Variants in CDH13 observed in about 807,000 individuals in gnomAD.
The protein encoded by CDH13 is cadherin-13.
Under a neutral mutation model 63.8 loss-of-function variants are expected in CDH13, and 24 were observed. The observed-to-expected ratio is 0.38, with a 90% CI of 0.27 to 0.53. CDH13 has a LOEUF of 0.53. Among genes scored for constraint, CDH13 ranks in the 20% least tolerant of loss-of-function variants. The pLI is 0.85. For synonymous variants in CDH13, 503 were observed against 355.3 expected (o/e 1.42, Z -4.67); for missense variants, 1,049 against 903.1 (o/e 1.16, Z -2.07).
intron 7 of CDH13, among the ~76,000 whole-genome samples, chr16:83,523,486 C>G (rs149300833): frequency 7.2e-4 from 109 of 152,280 alleles, no homozygotes; most frequent in African/African-American, 2.4e-3. Context: ...AAACTCACCT[C>G]CCACCCTGGA....
intron 6 of CDH13, among the ~76,000 whole-genome samples, chr16:83,370,575 G>C (rs2091348702): frequency 6.6e-6 from 1 of 152,130 alleles, no homozygotes; most frequent in African/African-American, 2.4e-5. Flanking sequence ...CAGGTAATAA[G>C]CATGGTACCC....
At chr16:83,382,088 A>C (rs4782786) in intron 6 of CDH13, among the ~76,000 whole-genome samples, 89,860 of 152,056 alleles carry the variant, frequency 0.59, 29,420 homozygotes, top group East Asian at 0.77. Flanking sequence ...CCAGCTACTT[A>C]TTGTGTGGTT....
At chr16:83,136,551 G>T (rs867892796) in intron 4 of CDH13, among the ~76,000 whole-genome samples, 1 of 152,060 alleles carries the variant, frequency 6.6e-6, no homozygotes, top group East Asian at 1.9e-4. Context: ...CAAGCCAGGG[G>T]TGAGCCAAGG....
intron 6 of CDH13, among the ~76,000 whole-genome samples, chr16:83,403,093 C>T (rs893857450): frequency 6.6e-6 from 1 of 152,174 alleles, no homozygotes; most frequent in African/African-American, 2.4e-5. Flanking sequence ...CAACCACATA[C>T]ACACACTAGC....
At chr16:83,273,738 G>A (rs569360259) in intron 5 of CDH13, among the ~76,000 whole-genome samples, 27 of 152,280 alleles carry the variant, frequency 1.8e-4, no homozygotes, top group Admixed American at 9.1e-4. Context: ...TGTGGTTTCC[G>A]TGGGAGGGGC....
At chr16:83,221,662 G>C (rs756329519) in intron 5 of CDH13, among the ~76,000 whole-genome samples, 6 of 149,908 alleles carry the variant, frequency 4.0e-5, no homozygotes, top group African/African-American at 1.3e-4. Context: ...GAAGACGGTG[G>C]GGGGGCGGTT....
intron 3 of CDH13, among the ~76,000 whole-genome samples, chr16:83,064,654 C>G (rs1032087820): frequency 9.9e-5 from 15 of 152,070 alleles, no homozygotes; most frequent in African/African-American, 3.6e-4. Flanking sequence ...AGCTCACTTT[C>G]CAATTCAGAC....
At chr16:83,144,426 T>C (rs2036660453) in intron 4 of CDH13, among the ~76,000 whole-genome samples, 1 of 152,272 alleles carries the variant, frequency 6.6e-6, no homozygotes, top group South Asian at 2.1e-4. Context: ...TAGTCCATTC[T>C]ACCTGTCTGC....
At chr16:83,677,395 G>A (rs942177698) in intron 9 of CDH13, among the ~76,000 whole-genome samples, 2 of 152,172 alleles carry the variant, frequency 1.3e-5, no homozygotes, top group African/African-American at 4.8e-5. Context: ...ATCCACCATT[G>A]TGTGGGACTG....
chr16:83,258,810 T>C (rs760552488), intron 5 of CDH13, among the ~76,000 whole-genome samples: 1 of 152,206 alleles, frequency 6.6e-6, no homozygotes, highest in Non-Finnish European at 1.5e-5. Flanking sequence ...CGTGACGCTA[T>C]AAATAACAGG....
chr16:82,895,883 AG>A (rs1419602867), intron 2 of CDH13, among the ~76,000 whole-genome samples: 1 of 152,154 alleles, frequency 6.6e-6, no homozygotes, highest in African/African-American at 2.4e-5. Flanking sequence ...AGAGCCTTGA[AG>A]GGGTACAAGA....
At chr16:82,991,262 A>G (rs2151405266) in intron 2 of CDH13, among the ~76,000 whole-genome samples, 1 of 152,368 alleles carries the variant, frequency 6.6e-6, no homozygotes, top group African/African-American at 2.4e-5. Flanking sequence ...TAGGTATTAC[A>G]TGGGTCACAT....
At chr16:83,683,154 G>C (rs1175575259) in intron 10 of CDH13, among the ~76,000 whole-genome samples, 1 of 152,166 alleles carries the variant, frequency 6.6e-6, no homozygotes, top group Non-Finnish European at 1.5e-5. Flanking sequence ...AAACATCAGA[G>C]GGAATCTTCT....
At chr16:83,167,626 C>T (rs1250733347) in intron 4 of CDH13, among the ~76,000 whole-genome samples, 3 of 151,642 alleles carry the variant, frequency 2.0e-5, no homozygotes, top group African/African-American at 7.3e-5. Context: ...TTATCAAGAC[C>T]CTTTCTCTCT....
At position 83,273,999 on chromosome 16, in the gene CDH13, C is replaced by G. The variant is rs370716877; in HGVS notation, c.636+56502C>G. 3.6e-4 allele frequency among the ~76,000 whole-genome samples: 55 copies of G among 152,290 alleles called. 1 individual carries two copies. In the South Asian group the frequency reaches 0.011, roughly 30 times the overall value. ...TTTGCCTCTGACCACATTGCTTACACTTTCCATCTTCCTCTCCACCACTTA... is the reference window on the plus strand; with the variant it reads ...TTTGCCTCTGACCACATTGCTTACAGTTTCCATCTTCCTCTCCACCACTTA... On this transcript the variant is annotated intron_variant, in intron 5 of 13. Coordinates refer to ENST00000567109, the MANE Select transcript of CDH13 (RefSeq NM_001257.5).
intron 5 of CDH13, among the ~76,000 whole-genome samples, chr16:83,291,509 T>C (rs776503262): frequency 6.6e-6 from 1 of 152,184 alleles, no homozygotes; most frequent in Non-Finnish European, 1.5e-5. Flanking sequence ...AGTAGCAAGA[T>C]ATTAGAAGTC....
At chr16:82,906,090 C>G (rs2041637128) in intron 2 of CDH13, among the ~76,000 whole-genome samples, 1 of 152,180 alleles carries the variant, frequency 6.6e-6, no homozygotes, top group African/African-American at 2.4e-5. Context: ...ACCTACCTAC[C>G]TACCTGTACA....
At chr16:82,865,063 C>G (rs1464203071) in intron 2 of CDH13, among the ~76,000 whole-genome samples, 5 of 152,234 alleles carry the variant, frequency 3.3e-5, no homozygotes, top group Non-Finnish European at 5.9e-5. Context: ...GTCTCACATA[C>G]AGGTCACCCT....
chr16:82,712,706 T>C (rs548070477), intron 1 of CDH13, among the ~76,000 whole-genome samples: 8 of 152,308 alleles, frequency 5.3e-5, no homozygotes, highest in African/African-American at 1.7e-4. Context: ...GCAGCTGAGA[T>C]GGCTGACTCC....
Sources: allele counts gnomAD v4.1 joint callset (sites outside exome capture counted in the v4.1 genomes callset), GRCh38; gene constraint gnomAD v4.1.1; transcripts MANE v1.5; gene names NCBI Gene and HGNC (gene_info 2026-07-23, HGNC 2026-07-21).